The following ATP2B4 variants were observed in gnomAD, a reference collection of about 807,000 sequenced individuals.
ATP2B4 encodes the protein plasma membrane calcium-transporting ATPase 4.
Under a neutral mutation model 110.3 loss-of-function variants are expected in ATP2B4, and 39 were observed. That is an observed-to-expected ratio of 0.35 (90% confidence interval 0.27 to 0.46). The LOEUF (loss-of-function observed/expected upper bound fraction) is 0.46. Ranked by LOEUF, ATP2B4 falls within the 20% of genes least tolerant of loss-of-function variation. ATP2B4 has a pLI of 1.00. For synonymous variants in ATP2B4, 538 were observed against 571.7 expected (o/e 0.94, Z 0.84); for missense variants, 1,135 against 1,530.9 (o/e 0.74, Z 4.32).
chr1:203,641,386 G>C (rs912039147), intron 1 of ATP2B4, among the ~76,000 whole-genome samples: 3 of 152,154 alleles, frequency 2.0e-5, no homozygotes, highest in Non-Finnish European at 4.4e-5. Flanking sequence ...TTTTTCATCA[G>C]GTCTAGGGGT....
Position 203,699,551 on chromosome 1 carries a change from C to T in ATP2B4, c.483C>T (p.Ile161=), listed in dbSNP as rs539658179. ...CAGCCATCCTTTTCTCAGTGATCAT[C>T]GTGGTGTTAGTGACTGCCTTTAATG... The part of the protein sequence containing the change: ...EGAAILFSVI[I]VVLVTAFNDW... Residue 161 remains isoleucine, a synonymous_variant, in exon 4 of 21, where the codon ATC becomes ATT. Coordinates refer to ENST00000357681, the MANE Select transcript of ATP2B4 (RefSeq NM_001684.5). 562 of 1,614,160 alleles carry T rather than the reference C, an allele frequency of 3.5e-4. 7 individuals are homozygous for T. The South Asian group carries it at 5.8e-3, about 17-fold the overall frequency.
intron 20 of ATP2B4, 48 bp downstream of exon 20, chr1:203,727,619 T>A: frequency 6.2e-7 from 1 of 1,605,998 alleles, no homozygotes; most frequent in Non-Finnish European, 8.5e-7. Context: ...CAGCTTCCCA[T>A]CTTGGAAGGT....
Position 203,629,193 on chromosome 1 carries a change from T to A in ATP2B4, c.-465+1974T>A, listed in dbSNP as rs1663183629. On this transcript the variant is annotated intron_variant, in intron 1 of 20. Coordinates refer to ENST00000357681, the MANE Select transcript of ATP2B4 (RefSeq NM_001684.5). The surrounding 1 kb of genome is among the most constrained non-coding windows in gnomAD (Gnocchi z 4.6). ...CGGCTAGACAGCTCTTCCCTACCTGTGTTCTGCTCGAGAAGGGAATGAGGC... is the reference window on the plus strand; with the variant it reads ...CGGCTAGACAGCTCTTCCCTACCTGAGTTCTGCTCGAGAAGGGAATGAGGC... Among the ~76,000 whole-genome samples the A allele has an allele frequency of 6.6e-6, 1 of 152,168 alleles. No individual in the cohort carries two copies. Among genetic ancestry groups the A allele is most frequent in the African/African-American group, 2.4e-5 (1 of 41,438 alleles).
chr1:203,629,673 G>A lies in ATP2B4; in HGVS notation c.-465+2454G>A, dbSNP rs1663203496. 6.6e-6 allele frequency among the ~76,000 whole-genome samples: 1 copy of A among 152,160 alleles called. No individual in the cohort carries two copies. The highest frequency in any genetic ancestry group is 2.1e-4 in the South Asian group (1 of 4,830). The stretch of plus-strand genomic sequence containing the variant: ...TCCGCCGCTGGGCTCCACCCTCCCG[G>A]GCTCTGCTGTAGTCTGAGAACTCCG... On this transcript the variant is annotated intron_variant, in intron 1 of 20. Transcript: ENST00000357681. This position sits in a 1 kb window ranked among gnomAD's most constrained non-coding sequence, Gnocchi z 4.6.
chr1:203,637,197 C>T (rs1002853872), intron 1 of ATP2B4, among the ~76,000 whole-genome samples: 6 of 152,140 alleles, frequency 3.9e-5, no homozygotes, highest in South Asian at 4.1e-4. Flanking sequence ...TTTGGAAGGC[C>T]GAGGCAGGCG....
intron 1 of ATP2B4, among the ~76,000 whole-genome samples, chr1:203,628,990 G>T (rs1216366542): frequency 6.6e-6 from 1 of 152,144 alleles, no homozygotes; most frequent in Non-Finnish European, 1.5e-5. Context: ...AATCAGGCTG[G>T]GGGAGAGGAA....
At chr1:203,637,899 G>A (rs1663505292) in intron 1 of ATP2B4, among the ~76,000 whole-genome samples, 2 of 152,214 alleles carry the variant, frequency 1.3e-5, no homozygotes, top group African/African-American at 4.8e-5. Context: ...TTCATCCTCT[G>A]TCTAGTGGGA....
At chr1:203,699,339 G>A in intron 3 of ATP2B4, 121 bp from the exon 4 acceptor site, 1 of 1,325,722 alleles carries the variant, frequency 7.5e-7, no homozygotes, top group Non-Finnish European at 1.0e-6. Flanking sequence ...GCCAACAGTT[G>A]TATTTGCTAT....
At chr1:203,713,062 G>C (rs772370805) in intron 13 of ATP2B4, 103 bp from the exon 14 acceptor site, 68 of 1,210,120 alleles carry the variant, frequency 5.6e-5, no homozygotes, top group Non-Finnish European at 7.5e-5. Flanking sequence ...TGGGACTGTG[G>C]TGTACCCAAT....
intron 2 of ATP2B4, among the ~76,000 whole-genome samples, chr1:203,683,987 C>T (rs1439342022): frequency 6.6e-6 from 1 of 151,976 alleles, no homozygotes; most frequent in Non-Finnish European, 1.5e-5. Context: ...CCCCTCTTTT[C>T]TCCTTTTTCT....
intron 1 of ATP2B4, among the ~76,000 whole-genome samples, chr1:203,652,247 C>T (rs998307028): frequency 1.7e-4 from 26 of 151,044 alleles, no homozygotes; most frequent in Non-Finnish European, 3.4e-4. Context: ...CAGGTGCAAG[C>T]GATTCTCCTG....
rs1402300828 is a variant in ATP2B4 at position 203,699,768 on chromosome 1, G to T, written c.649+51G>T. ...TACCCCACCACCACCCCCATTTAAG[G>T]GATAGGTCCTTTGGCATGAGGGGGC... On this transcript the variant is annotated intron_variant, in intron 4 of 20. Coordinates refer to ENST00000357681, the MANE Select transcript of ATP2B4 (RefSeq NM_001684.5). The T allele has an allele frequency of 1.9e-6, 3 of 1,601,312 alleles. No homozygotes were observed. In the East Asian group the frequency reaches 6.7e-5, roughly 36 times the overall value.
At chr1:203,691,625 C>G (rs1212900268) in intron 2 of ATP2B4, among the ~76,000 whole-genome samples, 1 of 152,236 alleles carries the variant, frequency 6.6e-6, no homozygotes, top group Non-Finnish European at 1.5e-5. Context: ...TCTCCAAGTT[C>G]ATCATCCTCT....
intron 1 of ATP2B4, among the ~76,000 whole-genome samples, chr1:203,650,435 T>C (rs1377265445): frequency 6.6e-6 from 1 of 152,136 alleles, no homozygotes; most frequent in Non-Finnish European, 1.5e-5. Flanking sequence ...GAGTGAGTCA[T>C]CGGCCCCCTC....
intron 2 of ATP2B4, among the ~76,000 whole-genome samples, chr1:203,697,905 A>G (rs2102382263): frequency 6.6e-6 from 1 of 152,036 alleles, no homozygotes; most frequent in Non-Finnish European, 1.5e-5. Flanking sequence ...AGGTTTCACC[A>G]TGTTGCCCAG....
At chr1:203,679,905 C>A (rs1474855554) in intron 1 of ATP2B4, among the ~76,000 whole-genome samples, 1 of 150,552 alleles carries the variant, frequency 6.6e-6, no homozygotes, top group African/African-American at 2.4e-5. Flanking sequence ...AAAAAAAACA[C>A]AAAATATTAG....
chr1:203,718,345 C>A (rs1287614686), intron 15 of ATP2B4, among the ~76,000 whole-genome samples: 1 of 152,048 alleles, frequency 6.6e-6, no homozygotes, highest in Non-Finnish European at 1.5e-5. Flanking sequence ...GTCGCCCAGG[C>A]TGGAGTGCAG....
chr1:203,652,222 G>T (rs1433778663), intron 1 of ATP2B4, among the ~76,000 whole-genome samples: 1 of 147,400 alleles, frequency 6.8e-6, no homozygotes, highest in African/African-American at 2.5e-5. Context: ...TCAGCTCACT[G>T]CAGCCTCCGT....
chr1:203,724,806 T>A (rs952468059), intron 19 of ATP2B4, among the ~76,000 whole-genome samples: 4 of 150,690 alleles, frequency 2.7e-5, no homozygotes, highest in Non-Finnish European at 5.9e-5. Context: ...AGTAGCAGTA[T>A]GGCCTGTGGT....
Sources: allele counts gnomAD v4.1 joint callset (sites outside exome capture counted in the v4.1 genomes callset), GRCh38; gene constraint gnomAD v4.1.1; non-coding constraint Gnocchi (gnomAD v3.1); transcripts MANE v1.5; gene names NCBI Gene and HGNC (gene_info 2026-07-23, HGNC 2026-07-21).